The following ADAMTS17 variants were observed in gnomAD, a reference collection of about 807,000 sequenced individuals.
ADAMTS17 encodes A disintegrin and metalloproteinase with thrombospondin motifs 17.
In ADAMTS17, 113 loss-of-function variants were observed where a neutral mutation model predicts 141.5. The ratio of observed to expected loss-of-function variants is 0.80; its 90% CI spans 0.69 to 0.93. ADAMTS17 has a LOEUF of 0.93. Among genes scored for constraint, ADAMTS17 ranks in the 40% least tolerant of loss-of-function variants. ADAMTS17 has a pLI of 0.00. For synonymous variants in ADAMTS17, 768 were observed against 630.6 expected, an observed-to-expected ratio of 1.22 and a Z score of -3.27; for missense variants, 1,659 against 1,517.9, an observed-to-expected ratio of 1.09 and a Z score of -1.54.
At chr15:100,204,394 CAA>C (rs897548610) in intron 7 of ADAMTS17, among the ~76,000 whole-genome samples, 3 of 152,204 alleles carry the variant, frequency 2.0e-5, no homozygotes, top group Non-Finnish European at 4.4e-5. Flanking sequence ...CTGTCAGTCA[CAA>C]GAGAGCATGT....
chr15:99,979,954 G>C (rs950859576), intron 20 of ADAMTS17: 1 of 152,178 alleles, frequency 6.6e-6, no homozygotes, highest in Non-Finnish European at 1.5e-5. Flanking sequence ...AAGAAACCCT[G>C]CTTCCTGGGA....
intron 12 of ADAMTS17, among the ~76,000 whole-genome samples, chr15:100,118,236 C>A (rs77651146): frequency 0.013 from 2,053 of 152,350 alleles, 20 homozygotes; most frequent in Non-Finnish European, 0.022. Flanking sequence ...TGTAAAAGAA[C>A]AGGCATGGCT....
At chr15:100,325,211 C>G (rs1305267510) in intron 3 of ADAMTS17, among the ~76,000 whole-genome samples, 2 of 152,154 alleles carry the variant, frequency 1.3e-5, no homozygotes, top group Non-Finnish European at 2.9e-5. Flanking sequence ...GGTAAGAAAA[C>G]AGAGGCTGTG....
chr15:100,181,071 G>C (rs116009280), intron 8 of ADAMTS17, among the ~76,000 whole-genome samples: 13 of 152,206 alleles, frequency 8.5e-5, no homozygotes, highest in Non-Finnish European at 1.6e-4. Flanking sequence ...CACAGGCAGA[G>C]GAGCCTCTTC....
At chr15:100,094,135 G>T (rs2035625802) in intron 15 of ADAMTS17, among the ~76,000 whole-genome samples, 1 of 152,192 alleles carries the variant, frequency 6.6e-6, no homozygotes, top group East Asian at 1.9e-4. Flanking sequence ...GTGACAATTG[G>T]CAATCACTCA....
chr15:99,998,624 A>G (rs1352719428), intron 18 of ADAMTS17, among the ~76,000 whole-genome samples: 1 of 152,050 alleles, frequency 6.6e-6, no homozygotes, highest in Non-Finnish European at 1.5e-5. Flanking sequence ...AAAACAAAAA[A>G]TAAAACTTCA....
intron 14 of ADAMTS17, among the ~76,000 whole-genome samples, chr15:100,106,598 C>T (rs533779501): frequency 6.6e-6 from 1 of 152,188 alleles, no homozygotes; most frequent in African/African-American, 2.4e-5. Flanking sequence ...ACCCCACTGG[C>T]TAGACAATTT....
In ADAMTS17 at chr15:100,229,132, G is replaced by A. The variant is rs2042398822; in HGVS notation, c.1075+25004C>T. 2.0e-5 allele frequency among the ~76,000 whole-genome samples: 3 copies of A among 152,112 alleles called. No individual in the cohort carries two copies. In the South Asian group the frequency reaches 6.2e-4, roughly 32 times the overall value. The stretch of plus-strand genomic sequence containing the variant: ...AAGATGGTTCTTATGGAGTATCCCT[G>A]AAGACCCCAACAGAGTAGCTCACCA... On this transcript the variant is annotated intron_variant, in intron 7 of 21. Transcript: ENST00000268070.
At chr15:100,166,028 ACAT>A (rs1262448010) in intron 8 of ADAMTS17, among the ~76,000 whole-genome samples, 1 of 152,212 alleles carries the variant, frequency 6.6e-6, no homozygotes, top group Admixed American at 6.5e-5. Context: ...GGGAGAAATC[ACAT>A]CATTAGAAGT....
chr15:100,051,398 G>T (rs943438247), intron 17 of ADAMTS17, among the ~76,000 whole-genome samples, 174 bp downstream of exon 17: 2 of 152,234 alleles, frequency 1.3e-5, no homozygotes, highest in Admixed American at 6.5e-5. Context: ...TAGTGTGGGA[G>T]TTGGGAAGAC....
intron 3 of ADAMTS17, among the ~76,000 whole-genome samples, chr15:100,315,870 G>C (rs2045550547): frequency 6.6e-6 from 1 of 152,230 alleles, no homozygotes; most frequent in Non-Finnish European, 1.5e-5. Flanking sequence ...CCAGAAAGCA[G>C]GGACCACTGG....
At chr15:100,125,812 C>T (rs765894264) in intron 12 of ADAMTS17, among the ~76,000 whole-genome samples, 18 of 152,050 alleles carry the variant, frequency 1.2e-4, no homozygotes, top group Admixed American at 4.6e-4. Flanking sequence ...ATTCCAAGAG[C>T]TGTGAAGACC....
Position 100,290,391 on chromosome 15 carries a change from T to C in ADAMTS17, c.617-8990A>G, listed in dbSNP as rs562887525. 3.3e-5 allele frequency among the ~76,000 whole-genome samples: 5 copies of C among 152,298 alleles called. No homozygotes were observed. In the South Asian group the frequency reaches 1.0e-3, roughly 32 times the overall value. On this transcript the variant is annotated intron_variant, in intron 3 of 21. Coordinates refer to ENST00000268070, the MANE Select transcript of ADAMTS17 (RefSeq NM_139057.4). Reference sequence around the variant, plus strand: ...ACAAATGGAAAATCATTCCATGGTCTTGGATAGGAAGAAACAATATTGTTA... The same window carrying C: ...ACAAATGGAAAATCATTCCATGGTCCTGGATAGGAAGAAACAATATTGTTA...
intron 15 of ADAMTS17, among the ~76,000 whole-genome samples, chr15:100,076,359 ATCAAGGC>A (rs1410137174): frequency 6.6e-6 from 1 of 152,128 alleles, no homozygotes; most frequent in Non-Finnish European, 1.5e-5. Flanking sequence ...TTCCTATTTT[ATCAAGGC>A]TACTGTTGAT....
chr15:100,198,451 C>T (rs1368021261), intron 8 of ADAMTS17, among the ~76,000 whole-genome samples: 1 of 152,170 alleles, frequency 6.6e-6, no homozygotes, highest in Non-Finnish European at 1.5e-5. Context: ...ATTAGGAAAC[C>T]TTTACAATAA....
intron 20 of ADAMTS17, chr15:99,979,335 G>C (rs1238683734): frequency 6.6e-6 from 1 of 151,582 alleles, no homozygotes; most frequent in Admixed American, 6.6e-5. Flanking sequence ...GTTGTGGTGA[G>C]CTGCGATCGT....
intron 8 of ADAMTS17, among the ~76,000 whole-genome samples, chr15:100,161,239 G>A (rs1048994318): frequency 4.6e-5 from 7 of 152,206 alleles, no homozygotes; most frequent in African/African-American, 1.7e-4. Flanking sequence ...ACCCCTCCTG[G>A]CTTCCGAATC....
chr15:100,139,190 A>G (rs188559411), intron 10 of ADAMTS17, among the ~76,000 whole-genome samples: 1 of 152,350 alleles, frequency 6.6e-6, no homozygotes, highest in East Asian at 1.9e-4. Context: ...AAAGTACAAC[A>G]AAGAAGAAAA....
intron 3 of ADAMTS17, among the ~76,000 whole-genome samples, chr15:100,322,210 T>C (rs2045753216): frequency 1.3e-5 from 2 of 152,078 alleles, no homozygotes; most frequent in Admixed American, 1.3e-4. Context: ...AACAGAAAGC[T>C]TGCAGCCCCT....
Sources: allele counts gnomAD v4.1 joint callset (sites outside exome capture counted in the v4.1 genomes callset), GRCh38; gene constraint gnomAD v4.1.1; transcripts MANE v1.5; gene names NCBI Gene and HGNC (gene_info 2026-07-23, HGNC 2026-07-21).